TTYH1: variants seen among roughly 807,000 people sequenced by gnomAD.
TTYH1 encodes protein tweety homolog 1.
A neutral mutation model predicts 61.2 loss-of-function variants in TTYH1; 33 were observed. That is an observed-to-expected ratio of 0.54 (90% CI 0.41 to 0.72). The LOEUF (loss-of-function observed/expected upper bound fraction) is 0.72, where lower values mean the gene tolerates loss of function less well. Ranked by LOEUF, TTYH1 falls within the 30% of genes least tolerant of loss-of-function variation. TTYH1 has a pLI of 0.00. For missense variants in TTYH1, 538 were observed against 575.8 expected (o/e 0.93, Z 0.67); for synonymous variants, 308 against 266.4 (o/e 1.16, Z -1.52).
At chr19:54,426,321 T>C (rs910015332) in intron 4 of TTYH1, among the ~76,000 whole-genome samples, 1 of 152,186 alleles carries the variant, frequency 6.6e-6, no homozygotes, top group Non-Finnish European at 1.5e-5. Context: ...TGGTGCAGTC[T>C]TGAGAACGAG....
chr19:54,434,832 G>A lies in TTYH1; in HGVS notation c.1126-710G>A, dbSNP rs955104931. 6.6e-6 allele frequency: 1 copy of A among 152,214 alleles called. No individual in the cohort carries two copies. Among genetic ancestry groups the A allele is most frequent in the African/African-American group, 2.4e-5 (1 of 41,416 alleles). 9.4% of individuals were successfully genotyped at this position (152,214 alleles called of 1,614,324 possible). On this transcript the variant is annotated intron_variant, in intron 10 of 13. Coordinates refer to ENST00000376530, the MANE Select transcript of TTYH1 (RefSeq NM_020659.4). The surrounding 1 kb of genome is among the most constrained non-coding windows in gnomAD (Gnocchi z 4.3). ...AGTGATTCTGCCCCCAGGGACACCT[G>A]GCTGGGTGAGGAGTTCTGCCCCCAG... is the stretch of plus-strand genomic sequence containing the variant.
rs1253009862 is a variant in TTYH1 at position 54,436,546 on chromosome 19, T to C, written c.*256T>C. Reference sequence around the variant, plus strand: ...GGGCAGACAGCCTCGCCTCGCACCCTTCATCCCTGGCTGCCGGTCCCATCC... The same window carrying C: ...GGGCAGACAGCCTCGCCTCGCACCCCTCATCCCTGGCTGCCGGTCCCATCC... On this transcript the variant is annotated 3_prime_UTR_variant, in exon 14 of 14. Coordinates refer to ENST00000376530, the MANE Select transcript of TTYH1 (RefSeq NM_020659.4). The surrounding 1 kb of genome is among the most constrained non-coding windows in gnomAD (Gnocchi z 4.3). 6 of 681,568 alleles carry C rather than the reference T, an allele frequency of 8.8e-6. No individual in the cohort carries two copies. In the East Asian group the frequency reaches 1.6e-4, roughly 19 times the overall value. The allele number at this position is 681,568 out of a possible 1,614,324, so 42.2% of individuals were successfully genotyped here. A position where few individuals can be genotyped will look rare whatever the true frequency, so the allele number is the denominator to read the frequency against.
intron 4 of TTYH1, 68 bp downstream of exon 4, chr19:54,422,478 G>T (rs2083239862): frequency 5.1e-6 from 7 of 1,368,482 alleles, no homozygotes; most frequent in Middle Eastern, 1.9e-4. Flanking sequence ...GGGACAGTTG[G>T]CAATGCCTGG....
rs776070927 is a variant in TTYH1 at position 54,436,357 on chromosome 19, A to C, written c.*67A>C. ...GTTCCTTCCCTGGCTGCCGGAGGAGACCCCACTAACCCAGCCTGCCTGGGC... is the reference window on the plus strand; with the variant it reads ...GTTCCTTCCCTGGCTGCCGGAGGAGCCCCCACTAACCCAGCCTGCCTGGGC... On this transcript the variant is annotated 3_prime_UTR_variant, in exon 14 of 14. Coordinates refer to ENST00000376530, the MANE Select transcript of TTYH1 (RefSeq NM_020659.4). This position sits in a 1 kb window ranked among gnomAD's most constrained non-coding sequence, Gnocchi z 4.3. 2 of 1,613,628 alleles carry C rather than the reference A, an allele frequency of 1.2e-6. No homozygotes were observed. Among genetic ancestry groups the C allele is most frequent in the Non-Finnish European group, 1.7e-6 (2 of 1,179,880 alleles).
rs758365406 is a variant in TTYH1, at chr19:54,421,881, A to G, written c.418-309A>G. On this transcript the variant is annotated intron_variant, in intron 3 of 13. Coordinates refer to ENST00000376530, the MANE Select transcript of TTYH1 (RefSeq NM_020659.4). The surrounding 1 kb of genome is among the most constrained non-coding windows in gnomAD (Gnocchi z 4.8). ...ATGGGACCCAGACTTGAGACCCCAG[A>G]TTCTGGAAGGCAGATGAAAACTTCA... Among the ~76,000 whole-genome samples the G allele has an allele frequency of 3.3e-5, 5 of 152,246 alleles. No homozygotes were observed. The East Asian group carries it at 7.7e-4, about 24-fold the overall frequency.
At chr19:54,417,397 C>T (rs957144167) in intron 1 of TTYH1, among the ~76,000 whole-genome samples, 2 of 151,552 alleles carry the variant, frequency 1.3e-5, no homozygotes, top group African/African-American at 2.4e-5. Flanking sequence ...CGCCCACCTA[C>T]TCTCATTACA....
At chr19:54,433,929 G>C (rs777826068) in intron 10 of TTYH1, among the ~76,000 whole-genome samples, 86 of 152,146 alleles carry the variant, frequency 5.7e-4, no homozygotes, top group Admixed American at 1.7e-3. Flanking sequence ...GCTGTTGTGA[G>C]GATGAAGGAC....
chr19:54,430,952 C>T (rs768522913), intron 9 of TTYH1, 47 bp downstream of exon 9: 9 of 1,527,834 alleles, frequency 5.9e-6, no homozygotes, highest in Non-Finnish European at 8.0e-6. Flanking sequence ...ACGGGGAAGG[C>T]GGACGGGGCG....
rs1298685192 is a variant in TTYH1, at chr19:54,434,003, C to A, written c.1126-1539C>A. 6.6e-6 allele frequency among the ~76,000 whole-genome samples: 1 copy of A among 152,132 alleles called. No individual in the cohort carries two copies. Among genetic ancestry groups the A allele is most frequent in the African/African-American group, 2.4e-5 (1 of 41,426 alleles). Reference sequence around the variant, plus strand: ...TTGCCCCGACAGGTCCGTACCCCAACCCTCACTGGCTTAGTAACAGACACC... The same window carrying A: ...TTGCCCCGACAGGTCCGTACCCCAAACCTCACTGGCTTAGTAACAGACACC... On this transcript the variant is annotated intron_variant, in intron 10 of 13. Transcript: ENST00000376530. The surrounding 1 kb of genome is among the most constrained non-coding windows in gnomAD (Gnocchi z 4.3).
chr19:54,430,258 G>C (rs911000424), intron 7 of TTYH1, among the ~76,000 whole-genome samples: 2 of 152,236 alleles, frequency 1.3e-5, no homozygotes, highest in Non-Finnish European at 2.9e-5. Context: ...AGGGTCAGGA[G>C]AGGGTGCTCC....
intron 5 of TTYH1, among the ~76,000 whole-genome samples, chr19:54,427,621 A>C (rs1555969565): frequency 2.6e-3 from 277 of 108,370 alleles, no homozygotes; most frequent in African/African-American, 8.3e-3. Flanking sequence ...ACAACAACAA[A>C]AAAAAAAAAC....
rs1027576324 is a variant in TTYH1, at chr19:54,424,734, G to T, written c.639-1939G>T. ...GAGTCCCTCGACAGACAAATCAGGG[G>T]CCTCCAAGGGAGTCTTGCTGGAGGG... is the stretch of plus-strand genomic sequence containing the variant. On this transcript the variant is annotated intron_variant, in intron 4 of 13. Coordinates refer to ENST00000376530, the MANE Select transcript of TTYH1 (RefSeq NM_020659.4). 2.2e-4 allele frequency among the ~76,000 whole-genome samples: 34 copies of T among 152,222 alleles called. 1 individual carries two copies. The highest frequency in any genetic ancestry group is 1.4e-3 in the Admixed American group (21 of 15,284).
chr19:54,426,876 G>A (rs368058732), intron 5 of TTYH1, 108 bp downstream of exon 5: 32 of 953,896 alleles, frequency 3.4e-5, no homozygotes, highest in Non-Finnish European at 4.7e-5. Flanking sequence ...CTTCACGGCC[G>A]GGTACACACG....
chr19:54,419,355 C>G lies in TTYH1; in HGVS notation c.305+49C>G, dbSNP rs779767219. On this transcript the variant is annotated intron_variant, in intron 2 of 13. Coordinates refer to ENST00000376530, the MANE Select transcript of TTYH1 (RefSeq NM_020659.4). The surrounding 1 kb of genome is among the most constrained non-coding windows in gnomAD (Gnocchi z 6.1). ...GGCGGTGGGGACAGGGCTCCCCAAG[C>G]TCTTTGCTGGCCTTCCTGGGGGTGT... 1.5e-5 allele frequency: 23 copies of G among 1,550,632 alleles called. No individual in the cohort carries two copies. The East Asian group carries it at 4.1e-4, about 28-fold the overall frequency.
Position 54,422,392 on chromosome 19 carries a change from C to T in TTYH1, c.620C>T (p.Ser207Phe). ...CCCCTGCAGGTGGCTGAAAATGTGT[C>T]CTTTGTGGAGGAGTACAGGTGAGAC... ...LSPLQVAENVSFVEEYRWLAY... is the reference protein window; with the variant it reads ...LSPLQVAENVFFVEEYRWLAY... The change falls in exon 4 of 14, where the codon TCC becomes TTC. Residue 207 changes from serine (S) to phenylalanine (F), a missense_variant. Around this residue, in one of 3 missense-constraint regions of TTYH1, gnomAD observed 378 missense variants for 401.2 expected, o/e 0.94. Transcript: ENST00000376530. 1 of 1,567,550 alleles carries T rather than the reference C, an allele frequency of 6.4e-7. No individual in the cohort carries two copies. Among genetic ancestry groups the T allele is most frequent in the Non-Finnish European group, 8.7e-7 (1 of 1,155,988 alleles).
chr19:54,424,996 C>T (rs1252377240), intron 4 of TTYH1, among the ~76,000 whole-genome samples: 1 of 152,170 alleles, frequency 6.6e-6, no homozygotes, highest in Non-Finnish European at 1.5e-5. Flanking sequence ...TCACGGATTC[C>T]AAGGAATGGA....
chr19:54,430,673 C>T (rs1333134398), intron 8 of TTYH1, 68 bp downstream of exon 8: 4 of 445,204 alleles, frequency 9.0e-6, no homozygotes, highest in East Asian at 6.4e-5. Flanking sequence ...AGGGAGGGGG[C>T]GGGGCTGGGG....
intron 5 of TTYH1, among the ~76,000 whole-genome samples, chr19:54,428,882 C>T (rs2083380629): frequency 2.0e-5 from 3 of 152,272 alleles, no homozygotes; most frequent in East Asian, 1.9e-4. Context: ...CCTCCCCACC[C>T]GGAAAGTCCA....
chr19:54,423,004 A>C (rs1466138712), intron 4 of TTYH1, among the ~76,000 whole-genome samples: 3 of 149,644 alleles, frequency 2.0e-5, no homozygotes, highest in African/African-American at 7.4e-5. Flanking sequence ...CCCCATGGCC[A>C]TCCTGACACC....
Sources: gnomAD v4.1 joint callset for allele counts (sites outside exome capture counted in the v4.1 genomes callset) on GRCh38, gnomAD v4.1.1 for gene constraint, gnomAD v4.1.1 regional missense constraint, Gnocchi (gnomAD v3.1) non-coding constraint, MANE v1.5 for transcripts, NCBI Gene and HGNC (gene_info 2026-07-23, HGNC 2026-07-21) for gene names.